Variants in DOK6 observed in about 807,000 individuals in gnomAD.
DOK6 encodes the protein docking protein 6, also known as downstream of tyrosine kinase 6.
In DOK6, 22 loss-of-function variants were observed where a neutral mutation model predicts 44.0. That is an observed-to-expected ratio of 0.50 (90% CI 0.36 to 0.71). DOK6 has a LOEUF of 0.71. Ranked by LOEUF, DOK6 falls within the 30% of genes least tolerant of loss-of-function variation. DOK6 has a pLI of 0.00. For missense variants in DOK6, 340 were observed against 416.4 expected (o/e 0.82, Z 1.60); for synonymous variants, 166 against 145.5 (o/e 1.14, Z -1.01).
At chr18:69,595,048 TA>T (rs2144619297) in intron 2 of DOK6, among the ~76,000 whole-genome samples, 1 of 152,228 alleles carries the variant, frequency 6.6e-6, no homozygotes. Flanking sequence ...GGAACAAATT[TA>T]ACCAAGGAGG....
intron 1 of DOK6, among the ~76,000 whole-genome samples, chr18:69,531,774 T>C (rs1047715578): frequency 1.3e-5 from 2 of 152,172 alleles, no homozygotes; most frequent in Admixed American, 1.3e-4. Context: ...GCCATTACCT[T>C]GAAACATTTA....
chr18:69,718,494 T>C (rs1437449659), intron 5 of DOK6, among the ~76,000 whole-genome samples: 2 of 152,180 alleles, frequency 1.3e-5, no homozygotes, highest in Non-Finnish European at 2.9e-5. Context: ...ATAGGGCACA[T>C]TTTATCATGA....
chr18:69,486,580 T>C (rs1166416614), intron 1 of DOK6, among the ~76,000 whole-genome samples: 1 of 152,212 alleles, frequency 6.6e-6, no homozygotes, highest in Non-Finnish European at 1.5e-5. Flanking sequence ...ATTTAGTGCT[T>C]TTGATCAAAT....
At chr18:69,796,779 C>A (rs1980758636) in intron 7 of DOK6, among the ~76,000 whole-genome samples, 1 of 118,090 alleles carries the variant, frequency 8.5e-6, no homozygotes, top group South Asian at 2.4e-4. Flanking sequence ...CTGCAGGACT[C>A]TGTGAGGCAT....
At chr18:69,410,832 A>G (rs1978302849) in intron 1 of DOK6, among the ~76,000 whole-genome samples, 1 of 152,178 alleles carries the variant, frequency 6.6e-6, no homozygotes, top group Non-Finnish European at 1.5e-5. Context: ...TGATTTTCCC[A>G]ATGGGAGATT....
At chr18:69,440,615 A>C (rs976360908) in intron 1 of DOK6, among the ~76,000 whole-genome samples, 4 of 152,046 alleles carry the variant, frequency 2.6e-5, no homozygotes, top group African/African-American at 9.7e-5. Context: ...AGTCTTTTTC[A>C]CTGAGACCCT....
intron 5 of DOK6, among the ~76,000 whole-genome samples, chr18:69,736,936 G>A (rs893876330): frequency 2.0e-5 from 3 of 152,154 alleles, no homozygotes; most frequent in African/African-American, 4.8e-5. Flanking sequence ...AGATCTGATG[G>A]TCTGGACAAG....
At chr18:69,723,450 G>A (rs1169945508) in intron 5 of DOK6, among the ~76,000 whole-genome samples, 1 of 152,212 alleles carries the variant, frequency 6.6e-6, no homozygotes, top group Admixed American at 6.5e-5. Flanking sequence ...CAAACTCTCT[G>A]ATGGGGACAA....
rs149700260 is a variant in DOK6, at chr18:69,538,556, A to AT, written c.67-25926dup. The stretch of plus-strand genomic sequence containing the variant: ...ACCACCATGCCCAGCTAACTTTTGC[A>AT]TTTTTGGTAGAGATAGGAGTCTCAC... On this transcript the variant is annotated intron_variant, in intron 1 of 7. Transcript: ENST00000382713. Among the ~76,000 whole-genome samples the AT allele has an allele frequency of 7.2e-3, 1,100 of 152,064 alleles. 10 individuals are homozygous for AT. Among genetic ancestry groups the AT allele is most frequent in the African/African-American group, 0.025 (1,050 of 41,500 alleles).
chr18:69,426,002 T>G (rs1416512794), intron 1 of DOK6, among the ~76,000 whole-genome samples: 4 of 152,180 alleles, frequency 2.6e-5, no homozygotes, highest in African/African-American at 9.6e-5. Context: ...TTACTTTTAA[T>G]TTTTACATGT....
intron 2 of DOK6, among the ~76,000 whole-genome samples, chr18:69,588,523 G>A (rs562833466): frequency 1.8e-3 from 271 of 152,194 alleles, no homozygotes; most frequent in Non-Finnish European, 3.2e-3. Context: ...CTACCACTAG[G>A]AGACTTCTAG....
chr18:69,630,900 G>A (rs868180902), intron 3 of DOK6, among the ~76,000 whole-genome samples: 104 of 152,128 alleles, frequency 6.8e-4, no homozygotes, highest in African/African-American at 2.1e-3. Flanking sequence ...GCTACTTCAG[G>A]CTATAAAAAG....
intron 1 of DOK6, among the ~76,000 whole-genome samples, chr18:69,413,615 T>G (rs1457166802): frequency 2.6e-5 from 4 of 151,880 alleles, no homozygotes; most frequent in Non-Finnish European, 5.9e-5. Context: ...TCAAAACAGG[T>G]CACAGACTTA....
chr18:69,594,227 T>C (rs1186165236), intron 2 of DOK6, among the ~76,000 whole-genome samples: 2 of 151,338 alleles, frequency 1.3e-5, no homozygotes, highest in Non-Finnish European at 2.9e-5. Context: ...TTCAGATAGA[T>C]GGATGGACAG....
rs150946815 is a variant in DOK6, at chr18:69,652,458, A to C, written c.290-25276A>C. Among the ~76,000 whole-genome samples, 760 of 152,314 alleles carry C rather than the reference A, an allele frequency of 5.0e-3. 10 individuals carry two copies. Among genetic ancestry groups the C allele is most frequent in the African/African-American group, 0.017 (695 of 41,570 alleles). ...GGAGAACATCCCTCAAAAACTGGGA[A>C]GGAGCTGAGAGACCAAAGAATGACT... is the stretch of plus-strand genomic sequence containing the variant. On this transcript the variant is annotated intron_variant, in intron 3 of 7. Transcript: ENST00000382713.
intron 1 of DOK6, among the ~76,000 whole-genome samples, chr18:69,485,877 A>G (rs1463179565): frequency 1.1e-5 from 1 of 87,670 alleles, no homozygotes; most frequent in African/African-American, 4.7e-5. Flanking sequence ...TAGTATACGT[A>G]TATATGTGTG....
chr18:69,673,991 A>G (rs1026962086), intron 3 of DOK6, among the ~76,000 whole-genome samples: 6 of 152,228 alleles, frequency 3.9e-5, no homozygotes, highest in Non-Finnish European at 8.8e-5. Context: ...AACATTTTAA[A>G]ATGCAGTGGG....
intron 7 of DOK6, among the ~76,000 whole-genome samples, chr18:69,787,438 C>A (rs1980465573): frequency 6.6e-6 from 1 of 152,146 alleles, no homozygotes; most frequent in South Asian, 2.1e-4. Context: ...TTGGGTCCAC[C>A]TCTCTGACAG....
At chr18:69,655,424 G>A (rs11151522) in intron 3 of DOK6, among the ~76,000 whole-genome samples, 64,493 of 151,984 alleles carry the variant, frequency 0.42, 14,129 homozygotes, top group Admixed American at 0.53. Context: ...AGGATTCTCA[G>A]TGCTTAGAAG....
Sources: allele counts gnomAD v4.1 joint callset (sites outside exome capture counted in the v4.1 genomes callset), GRCh38; gene constraint gnomAD v4.1.1; transcripts MANE v1.5; gene names NCBI Gene and HGNC (gene_info 2026-07-23, HGNC 2026-07-21).